Variants in SIRT2 observed in about 807,000 individuals in gnomAD.
SIRT2 encodes the protein sirtuin 2.
SIRT2 carries 40 observed loss-of-function variants against 57.4 expected under a neutral mutation model. That is an observed-to-expected ratio of 0.70 (90% CI 0.54 to 0.91). The LOEUF (loss-of-function observed/expected upper bound fraction) is 0.91, where lower values mean the gene tolerates loss of function less well. Among genes scored for constraint, SIRT2 ranks in the 40% least tolerant of loss-of-function variants. The pLI is 0.00. For synonymous variants in SIRT2, 161 were observed against 195.7 expected (o/e 0.82, Z 1.48); for missense variants, 439 against 510.4 (o/e 0.86, Z 1.35).
intron 1 of SIRT2, among the ~76,000 whole-genome samples, chr19:38,899,081 G>C (rs776826733): frequency 1.3e-5 from 2 of 152,122 alleles, no homozygotes; most frequent in Non-Finnish European, 2.9e-5. Flanking sequence ...GTTTAGGAGG[G>C]AGGTGCAGTG....
intron 8 of SIRT2, among the ~76,000 whole-genome samples, chr19:38,886,541 A>G (rs1227666096): frequency 1.3e-5 from 2 of 151,706 alleles, no homozygotes; most frequent in African/African-American, 2.4e-5. Flanking sequence ...GTAGCCTTGA[A>G]ATCCTGGGCT....
rs771697414 is a variant in SIRT2, at chr19:38,883,676, G to T, written c.582C>A (p.His194Gln). 5.0e-6 allele frequency: 8 copies of T among 1,614,192 alleles called. No homozygotes were observed. In the South Asian group the frequency reaches 8.8e-5, roughly 18 times the overall value. Residue 194 changes from histidine to glutamine, a missense_variant, in exon 9 of 16, where the codon CAC becomes CAA. Coordinates refer to ENST00000249396, the MANE Select transcript of SIRT2 (RefSeq NM_012237.4). ...CGTGCCGGCAGCTGGCGCTGACGCAGTGTGATGTGTAGAAGGTGCCGTGCG... is the reference window on the plus strand; with the variant it reads ...CGTGCCGGCAGCTGGCGCTGACGCATTGTGATGTGTAGAAGGTGCCGTGCG... ...VEAHGTFYTS[H>Q]CVSASCRHEY...
intron 8 of SIRT2, among the ~76,000 whole-genome samples, chr19:38,886,488 T>G (rs1328123074): frequency 1.3e-5 from 2 of 151,678 alleles, no homozygotes; most frequent in Non-Finnish European, 2.9e-5. Flanking sequence ...GATTTTGCTC[T>G]ACTGGTCCAG....
At chr19:38,893,643 A>T in intron 3 of SIRT2, 116 bp from the exon 4 acceptor site, 1 of 1,170,258 alleles carries the variant, frequency 8.5e-7, no homozygotes, top group Non-Finnish European at 1.2e-6. Flanking sequence ...TAAAGGCACA[A>T]GGCCCGGCCC....
chr19:38,896,199 C>T (rs918817929), intron 2 of SIRT2, among the ~76,000 whole-genome samples: 1 of 152,146 alleles, frequency 6.6e-6, no homozygotes, highest in African/African-American at 2.4e-5. Context: ...ATATAACTTG[C>T]GGCACTCACC....
At chr19:38,879,942 C>A in intron 13 of SIRT2, 1 of 525,736 alleles carries the variant, frequency 1.9e-6, no homozygotes, top group Non-Finnish European at 3.4e-6. Flanking sequence ...TCTCCCGCCT[C>A]AACCTCCCGA....
At chr19:38,885,740 G>A (rs755182495) in intron 8 of SIRT2, among the ~76,000 whole-genome samples, 32 of 151,900 alleles carry the variant, frequency 2.1e-4, no homozygotes, top group African/African-American at 6.8e-4. Flanking sequence ...ACAGGCACGC[G>A]CCACCATGCC....
chr19:38,879,859 C>T (rs1011623310), intron 13 of SIRT2, 157 bp from the exon 14 acceptor site: 5 of 614,584 alleles, frequency 8.1e-6, no homozygotes, highest in African/African-American at 7.4e-5. Flanking sequence ...AAGTTTCACT[C>T]TTGTTGCCCA....
chr19:38,879,119 T>C lies in SIRT2; in HGVS notation c.*36A>G. ...GGCCCGGTTGGGGCTCAGCTGTCCC[T>C]GAGGAGCTCGGCATCCCGCCTGGGA... is the stretch of plus-strand genomic sequence containing the variant. On this transcript the variant is annotated 3_prime_UTR_variant, in exon 16 of 16. Transcript: ENST00000249396. 1 of 1,538,182 alleles carries C rather than the reference T, an allele frequency of 6.5e-7. No individual in the cohort carries two copies. The highest frequency in any genetic ancestry group is 8.7e-7 in the Non-Finnish European group (1 of 1,149,378).
intron 8 of SIRT2, among the ~76,000 whole-genome samples, chr19:38,887,414 G>T (rs970842760): frequency 6.6e-6 from 1 of 152,178 alleles, no homozygotes; most frequent in Non-Finnish European, 1.5e-5. Flanking sequence ...CCACGTCCTG[G>T]AATAATGGTG....
intron 7 of SIRT2, chr19:38,889,359 CACACGGTGGGTA>C (rs1434696970): frequency 4.2e-6 from 3 of 718,244 alleles, no homozygotes; most frequent in Non-Finnish European, 7.7e-6. Context: ...TTGCCAAAGT[CACACGGTGGGTA>C]AGCTGCAGAG....
chr19:38,885,739 C>T (rs577619624), intron 8 of SIRT2, among the ~76,000 whole-genome samples: 23 of 151,874 alleles, frequency 1.5e-4, no homozygotes, highest in African/African-American at 2.9e-4. Context: ...CACAGGCACG[C>T]GCCACCATGC....
In SIRT2 at chr19:38,897,340, G is replaced by A. The variant is rs79716645; in HGVS notation, c.63+1039C>T. 9.9e-5 allele frequency among the ~76,000 whole-genome samples: 15 copies of A among 152,214 alleles called. No individual in the cohort carries two copies. In the East Asian group the frequency reaches 2.9e-3, roughly 29 times the overall value. On this transcript the variant is annotated intron_variant, in intron 2 of 15. Transcript: ENST00000249396. ...TTGCACAAGCGATACCTGTTGTGTG[G>A]ATCACCATTTCTCACCTTGTCTAAG...
At chr19:38,891,527 T>C (rs772365331) in intron 4 of SIRT2, among the ~76,000 whole-genome samples, 3 of 151,784 alleles carry the variant, frequency 2.0e-5, no homozygotes, top group Non-Finnish European at 2.9e-5. Context: ...CCAGCCTGGG[T>C]AACAGAGTGA....
In SIRT2 at chr19:38,889,683, T is replaced by A. The variant is rs761744596; in HGVS notation, c.432+6A>T. The A allele has an allele frequency of 1.2e-6, 2 of 1,613,866 alleles. No individual in the cohort carries two copies. The highest frequency in any genetic ancestry group is 1.7e-6 in the Non-Finnish European group (2 of 1,179,994). ...TGTTTCGCCCCCTGCAAAACAAAGA[T>A]CTCACCTTGAACTGCCCAGGATAGA... On this transcript the variant is annotated splice_donor_region_variant and intron_variant, in intron 7 of 15. Coordinates refer to ENST00000249396, the MANE Select transcript of SIRT2 (RefSeq NM_012237.4).
chr19:38,883,939 A>G (rs556892144), intron 8 of SIRT2, among the ~76,000 whole-genome samples, 183 bp from the exon 9 acceptor site: 166 of 152,248 alleles, frequency 1.1e-3, no homozygotes, highest in Admixed American at 3.2e-3. Flanking sequence ...CAATGGTGCC[A>G]CTTAAAGGGT....
At chr19:38,885,270 T>A (rs1256663459) in intron 8 of SIRT2, among the ~76,000 whole-genome samples, 1 of 151,124 alleles carries the variant, frequency 6.6e-6, no homozygotes, top group East Asian at 2.0e-4. Flanking sequence ...TCTTTTTAAT[T>A]ATTTTTGTAG....
At position 38,899,525 on chromosome 19, in the gene SIRT2, C is replaced by T. The variant is rs768032105; in HGVS notation, c.-4G>A. 1.9e-6 allele frequency: 3 copies of T among 1,613,772 alleles called. No individual in the cohort carries two copies. Among genetic ancestry groups the T allele is most frequent in the Non-Finnish European group, 2.5e-6 (3 of 1,179,984 alleles). On this transcript the variant is annotated 5_prime_UTR_variant, in exon 1 of 16. Transcript: ENST00000249396. ...ACTCACGGTCTGGCTCTGCCATGGG[C>T]GCGGTGCTGAAGCCCTTGAGGCTGT...
Position 38,890,145 on chromosome 19 carries a change from C to T in SIRT2, c.227-1G>A, listed in dbSNP as rs1373409348. The T allele has an allele frequency of 1.2e-6, 2 of 1,614,200 alleles. No individual in the cohort carries two copies. The highest frequency in any genetic ancestry group is 1.1e-5 in the South Asian group (1 of 91,086). ...CCCACCAAACAGATGACTCTGCGAC[C>T]TGGAGGAGAGGAACTTATGCACCAT... On this transcript the variant is annotated splice_acceptor_variant, in intron 4 of 15. Transcript: ENST00000249396. LOFTEE classifies it high-confidence loss of function.
Sources: allele counts gnomAD v4.1 joint callset (sites outside exome capture counted in the v4.1 genomes callset), GRCh38; gene constraint gnomAD v4.1.1; transcripts MANE v1.5; gene names NCBI Gene and HGNC (gene_info 2026-07-23, HGNC 2026-07-21).